ARID1B: variants seen among roughly 807,000 people sequenced by gnomAD.
ARID1B encodes the protein AT-rich interaction domain 1B, also known as AT-rich interactive domain-containing protein 1B.
A neutral mutation model predicts 212.3 loss-of-function variants in ARID1B; 30 were observed. The observed-to-expected ratio is 0.14, with a 90% CI of 0.11 to 0.19. The LOEUF is 0.19. ARID1B is among the 10% of genes least tolerant of loss of function. ARID1B has a pLI of 1.00. For synonymous variants in ARID1B, 1,402 were observed against 1,301.7 expected, an observed-to-expected ratio of 1.08 and a Z score of -1.66; for missense variants, 2,891 against 3,204.0, an observed-to-expected ratio of 0.90 and a Z score of 2.36.
intron 6 of ARID1B, chr6:157,110,803 A>G (rs190530607): frequency 3.6e-6 from 2 of 563,326 alleles, no homozygotes; most frequent in East Asian, 2.9e-5. Flanking sequence ...GTGTGTCCAC[A>G]TAGCACCATG....
rs1260256108 is a variant in ARID1B, at chr6:156,951,257, C to A, written c.2247+15681C>A. On this transcript the variant is annotated intron_variant, in intron 4 of 19. Coordinates refer to ENST00000636930, the MANE Select transcript of ARID1B (RefSeq NM_001374828.1). ...ACTTACAGTAAAACGTTTGTATAAA[C>A]AAAGACTGCTCCAAGCGGATTACAA... Among the ~76,000 whole-genome samples the A allele has an allele frequency of 5.9e-5, 9 of 152,100 alleles. 1 individual carries two copies. In the South Asian group the frequency reaches 1.7e-3, roughly 28 times the overall value.
At chr6:157,129,349 G>T (rs185603802) in intron 6 of ARID1B, among the ~76,000 whole-genome samples, 1 of 152,130 alleles carries the variant, frequency 6.6e-6, no homozygotes, top group Non-Finnish European at 1.5e-5. Context: ...CACAATCTAC[G>T]CCTTCCATTC....
In ARID1B at chr6:156,913,217, CTTTTTTTTT is replaced by C. The variant is rs372967890; in HGVS notation, c.2136+11701_2136+11709del. Among the ~76,000 whole-genome samples, 7 of 129,014 alleles carry C rather than the reference CTTTTTTTTT, an allele frequency of 5.4e-5. No homozygotes were observed. The East Asian group carries it at 1.3e-3, about 24-fold the overall frequency. 84.6% of individuals were successfully genotyped at this position (129,014 alleles called of 152,430 possible). A position where few individuals can be genotyped will look rare whatever the true frequency, so the allele number is the denominator to read the frequency against. On this transcript the variant is annotated intron_variant, in intron 3 of 19. Coordinates refer to ENST00000636930, the MANE Select transcript of ARID1B (RefSeq NM_001374828.1). ...ACATCCACTCAACATTTTTCTTTTT[CTTTTTTTTT>C]TTTTTTTTGAGACAGAGTATCGCCC...
chr6:157,021,734 C>T (rs1780297129), intron 4 of ARID1B, among the ~76,000 whole-genome samples: 1 of 152,124 alleles, frequency 6.6e-6, no homozygotes, highest in Non-Finnish European at 1.5e-5. Context: ...GCCCCGCGCG[C>T]CCGCAGGCTC....
At chr6:157,065,920 A>G (rs1783650316) in intron 4 of ARID1B, among the ~76,000 whole-genome samples, 1 of 152,212 alleles carries the variant, frequency 6.6e-6, no homozygotes, top group Non-Finnish European at 1.5e-5. Flanking sequence ...TTTTCTCAAA[A>G]TGAACACACT....
intron 4 of ARID1B, among the ~76,000 whole-genome samples, chr6:157,039,981 C>T (rs1781770629): frequency 1.3e-5 from 2 of 148,294 alleles, no homozygotes; most frequent in South Asian, 2.1e-4. Context: ...GACGGAGTCT[C>T]GCTTTGTCGC....
intron 3 of ARID1B, among the ~76,000 whole-genome samples, chr6:156,928,856 G>A (rs1791466164): frequency 6.6e-6 from 1 of 152,190 alleles, no homozygotes; most frequent in South Asian, 2.1e-4. Context: ...TTTTAGAAGT[G>A]TTCCACGTAT....
intron 4 of ARID1B, among the ~76,000 whole-genome samples, chr6:156,972,465 T>C (rs1166540023): frequency 6.6e-6 from 1 of 152,204 alleles, no homozygotes; most frequent in East Asian, 1.9e-4. Flanking sequence ...ATCTACTTTA[T>C]TAAGAATATT....
intron 2 of ARID1B, among the ~76,000 whole-genome samples, chr6:156,865,630 TTC>T (rs1562444806): frequency 6.6e-6 from 1 of 152,176 alleles, no homozygotes; most frequent in Non-Finnish European, 1.5e-5. Flanking sequence ...ATTTTTACTC[TTC>T]TCTCTTTCTA....
At chr6:157,021,113 TGAGAGAGGGGGATTTTA>T (rs1489053185) in intron 4 of ARID1B, among the ~76,000 whole-genome samples, 1 of 150,332 alleles carries the variant, frequency 6.7e-6, no homozygotes, top group Non-Finnish European at 1.5e-5. Context: ...AGGGCCCGCT[TGAGAGAGGGGGATTTTA>T]GAGAGAGGGT....
In ARID1B at chr6:156,779,531, G is replaced by T. The variant is rs866333772; in HGVS notation, c.1791+60G>T. 6 of 1,241,164 alleles carry T rather than the reference G, an allele frequency of 4.8e-6. No homozygotes were observed. In the South Asian group the frequency reaches 1.0e-4, roughly 21 times the overall value. 76.9% of individuals were successfully genotyped at this position (1,241,164 alleles called of 1,614,324 possible). A position where few individuals can be genotyped will look rare whatever the true frequency, so the allele number is the denominator to read the frequency against. ...GGCGGCCTCGCCGCGCCGCGAGCCT[G>T]AGTTTCTTTCTTTGCCGCGTACTTT... On this transcript the variant is annotated intron_variant, in intron 1 of 19. Transcript: ENST00000636930.
intron 15 of ARID1B, among the ~76,000 whole-genome samples, chr6:157,193,208 C>T (rs1793503674): frequency 6.6e-6 from 1 of 152,136 alleles, no homozygotes; most frequent in Non-Finnish European, 1.5e-5. Context: ...TGAATAGATA[C>T]ACCCTAATGC....
chr6:156,876,832 G>C (rs1786600058), intron 2 of ARID1B, among the ~76,000 whole-genome samples: 1 of 152,196 alleles, frequency 6.6e-6, no homozygotes, highest in South Asian at 2.1e-4. Flanking sequence ...ACCCCTGAGT[G>C]TTCACAGATG....
In ARID1B at chr6:157,174,934, A is replaced by G; in HGVS notation, c.3433A>G (p.Ile1145Val). The change falls in exon 11 of 20, where the codon ATC becomes GTC. Residue 1145 changes from isoleucine to valine, a missense_variant. By Grantham distance (29) the Ile-to-Val change is conservative. Around this residue, in one of 7 missense-constraint regions of ARID1B, gnomAD observed 666 missense variants for 873.5 expected, o/e 0.76. Transcript: ENST00000636930. ...PSPMSPSSAS[I>V]SSFHGDESDS... ...CCCAATGTCCCCCAGCTCTGCTAGC[A>G]TCTCCTCATTTCATGGAGATGAAAG... 1.3e-6 allele frequency: 2 copies of G among 1,543,424 alleles called. No homozygotes were observed. Among genetic ancestry groups the G allele is most frequent in the Non-Finnish European group, 1.7e-6 (2 of 1,143,828 alleles).
Position 157,019,361 on chromosome 6 carries a change from G to T in ARID1B, c.2248-65301G>T, listed in dbSNP as rs1425591571. ...AGATGATGTTTATAGCCAGCATCTG[G>T]TAAGTGCTGATTTCATTCTCATAAC... is the stretch of plus-strand genomic sequence containing the variant. On this transcript the variant is annotated intron_variant, in intron 4 of 19. Transcript: ENST00000636930. Among the ~76,000 whole-genome samples the T allele has an allele frequency of 2.6e-5, 4 of 152,174 alleles. No individual in the cohort carries two copies. In the East Asian group the frequency reaches 5.8e-4, roughly 22 times the overall value.
At chr6:157,046,795 T>A (rs1782270353) in intron 4 of ARID1B, among the ~76,000 whole-genome samples, 1 of 152,224 alleles carries the variant, frequency 6.6e-6, no homozygotes, top group Non-Finnish European at 1.5e-5. Context: ...TTTCCTAATT[T>A]CCTTTAGAGC....
intron 4 of ARID1B, among the ~76,000 whole-genome samples, chr6:156,987,532 G>A (rs548751111): frequency 1.2e-4 from 18 of 152,214 alleles, no homozygotes; most frequent in Admixed American, 3.3e-4. Context: ...GGGTTTCACC[G>A]TGTTAGCCAG....
At chr6:157,107,885 G>A (rs1280944661) in intron 5 of ARID1B, 1 of 152,128 alleles carries the variant, frequency 6.6e-6, no homozygotes, top group Non-Finnish European at 1.5e-5. Flanking sequence ...GGTGTTTATT[G>A]AATTCGGTTG....
intron 4 of ARID1B, among the ~76,000 whole-genome samples, chr6:156,958,556 C>G (rs550771733): frequency 6.6e-6 from 1 of 152,302 alleles, no homozygotes; most frequent in South Asian, 2.1e-4. Context: ...TCCCTGAGAT[C>G]GTGAAGCACT....
Sources: allele counts gnomAD v4.1 joint callset (sites outside exome capture counted in the v4.1 genomes callset), GRCh38; gene constraint gnomAD v4.1.1; regional missense constraint gnomAD v4.1.1; transcripts MANE v1.5; gene names NCBI Gene and HGNC (gene_info 2026-07-23, HGNC 2026-07-21).